B4GALT5: variants seen among roughly 807,000 people sequenced by gnomAD.
The protein encoded by B4GALT5 is beta-1,4-galactosyltransferase 5.
In B4GALT5, 11 loss-of-function variants were observed where a neutral mutation model predicts 45.0. The observed-to-expected ratio is 0.24, with a 90% CI of 0.15 to 0.40. The LOEUF is 0.40. Ranked by LOEUF, B4GALT5 falls within the 10% of genes least tolerant of loss-of-function variation. The pLI is 1.00. For synonymous variants in B4GALT5, 185 were observed against 182.9 expected (o/e 1.01, Z -0.09); for missense variants, 337 against 500.2 (o/e 0.67, Z 3.11).
intron 3 of B4GALT5, among the ~76,000 whole-genome samples, chr20:49,646,693 C>A (rs952789037): frequency 6.6e-6 from 1 of 152,112 alleles, no homozygotes; most frequent in Non-Finnish European, 1.5e-5. Flanking sequence ...TTCATACTTT[C>A]TCTAGGAAGT....
intron 1 of B4GALT5, among the ~76,000 whole-genome samples, chr20:49,665,952 A>C (rs1044489538): frequency 2.0e-5 from 3 of 152,012 alleles, no homozygotes; most frequent in Non-Finnish European, 2.9e-5. Flanking sequence ...GGCTAGAAAA[A>C]TGGGGGGAGC....
chr20:49,706,025 CA>C (rs55753502), intron 1 of B4GALT5, among the ~76,000 whole-genome samples: 2,802 of 106,124 alleles, frequency 0.026, 52 homozygotes, highest in African/African-American at 0.069. Flanking sequence ...ACTAAAAATA[CA>C]AAAAAAAAAA....
chr20:49,709,215 T>C (rs1040221687), intron 1 of B4GALT5, among the ~76,000 whole-genome samples: 1 of 152,110 alleles, frequency 6.6e-6, no homozygotes, highest in African/African-American at 2.4e-5. Context: ...AGGTCATAAA[T>C]AAGTTCAAAA....
intron 1 of B4GALT5, among the ~76,000 whole-genome samples, chr20:49,682,395 T>A (rs959004502): frequency 6.6e-6 from 1 of 152,116 alleles, no homozygotes; most frequent in Non-Finnish European, 1.5e-5. Flanking sequence ...CTTAAATGAT[T>A]TCCCTTATCC....
chr20:49,670,173 A>T (rs1176350810), intron 1 of B4GALT5, among the ~76,000 whole-genome samples: 1 of 152,232 alleles, frequency 6.6e-6, no homozygotes, highest in Non-Finnish European at 1.5e-5. Context: ...GGAATCTTAC[A>T]CATCTTTAAA....
intron 1 of B4GALT5, among the ~76,000 whole-genome samples, chr20:49,710,177 A>G (rs1265813665): frequency 6.6e-6 from 1 of 152,192 alleles, no homozygotes; most frequent in Non-Finnish European, 1.5e-5. Context: ...CCTTGAGCAC[A>G]ATGTAGCCAC....
rs374782615 is a variant in B4GALT5 at position 49,643,465 on chromosome 20, C to T, written c.489+61G>A. On this transcript the variant is annotated intron_variant, in intron 4 of 8. Transcript: ENST00000371711. ...ATGGTTAGCTAATCCCATGGTGATT[C>T]GGACCAAAGGCAAACCCCAGGTGGG... 9 of 1,594,822 alleles carry T rather than the reference C, an allele frequency of 5.6e-6. No individual in the cohort carries two copies. The East Asian group carries it at 6.7e-5, about 12-fold the overall frequency.
At chr20:49,683,495 G>C (rs1009604764) in intron 1 of B4GALT5, among the ~76,000 whole-genome samples, 1 of 148,612 alleles carries the variant, frequency 6.7e-6, no homozygotes, top group Non-Finnish European at 1.5e-5. Flanking sequence ...CTGGGTTCAA[G>C]CGATTCTCAT....
chr20:49,700,077 T>C (rs918983305), intron 1 of B4GALT5, among the ~76,000 whole-genome samples: 5 of 152,156 alleles, frequency 3.3e-5, no homozygotes, highest in African/African-American at 1.2e-4. Flanking sequence ...GCCTCCTATC[T>C]ACCACGCCTT....
chr20:49,694,115 G>T (rs1421783523), intron 1 of B4GALT5, among the ~76,000 whole-genome samples: 3 of 152,128 alleles, frequency 2.0e-5, no homozygotes, highest in Non-Finnish European at 4.4e-5. Flanking sequence ...TTATGTAAAC[G>T]TACTTTTTAT....
Position 49,643,569 on chromosome 20 carries a change from A to G in B4GALT5, c.446T>C (p.Leu149Pro), listed in dbSNP as rs1391531295. The change falls in exon 4 of 9, where the codon CTC (leucine) becomes CCC (proline). Residue 149 changes from leucine to proline, a missense_variant. By Grantham distance (98) the Leu-to-Pro change is moderately conservative (BLOSUM62 -3). Coordinates refer to ENST00000371711, the MANE Select transcript of B4GALT5 (RefSeq NM_004776.4). The part of the protein sequence containing the change: ...ELFSKDPTIK[L>P]GGHWKPSDCM... ...ATCAGAAGGCTTCCAGTGACCTCCGAGCTTGATGGTTGGGTCTTTGGAGAA... is the reference window on the plus strand; with the variant it reads ...ATCAGAAGGCTTCCAGTGACCTCCGGGCTTGATGGTTGGGTCTTTGGAGAA... 6.2e-7 allele frequency: 1 copy of G among 1,613,908 alleles called. No individual in the cohort carries two copies. Among genetic ancestry groups the G allele is most frequent in the Admixed American group, 1.7e-5 (1 of 59,984 alleles).
intron 3 of B4GALT5, among the ~76,000 whole-genome samples, chr20:49,645,891 T>G (rs2085597031): frequency 1.3e-5 from 2 of 152,270 alleles, no homozygotes; most frequent in South Asian, 4.1e-4. Context: ...GGTCTTGCTT[T>G]GTTGCCCAGG....
intron 1 of B4GALT5, among the ~76,000 whole-genome samples, chr20:49,665,662 T>C: frequency 6.7e-6 from 1 of 149,844 alleles, no homozygotes; most frequent in African/African-American, 2.5e-5. Context: ...GAGATACAAG[T>C]AAGACACAGT....
intron 4 of B4GALT5, 43 bp from the exon 5 acceptor site, chr20:49,642,627 G>T: frequency 1.4e-6 from 2 of 1,397,114 alleles, no homozygotes; most frequent in Non-Finnish European, 2.0e-6. Flanking sequence ...AGGACTCTCA[G>T]CTTTCACTCC....
intron 3 of B4GALT5, among the ~76,000 whole-genome samples, chr20:49,646,578 T>C (rs542953113): frequency 6.6e-6 from 1 of 152,268 alleles, no homozygotes; most frequent in Admixed American, 6.5e-5. Flanking sequence ...GGCTACACCA[T>C]CTAGATTTGT....
intron 4 of B4GALT5, 96 bp from the exon 5 acceptor site, chr20:49,642,680 G>T: frequency 2.6e-6 from 2 of 778,656 alleles, no homozygotes; most frequent in Admixed American, 2.4e-5. Flanking sequence ...ACCCATGGGA[G>T]TTCTGGGAGG....
chr20:49,698,216 G>A (rs1397270031), intron 1 of B4GALT5, among the ~76,000 whole-genome samples: 6 of 152,024 alleles, frequency 3.9e-5, no homozygotes, highest in African/African-American at 1.4e-4. Context: ...CCAGATACTC[G>A]GGAGGCTGAG....
At chr20:49,699,256 T>C (rs1163077620) in intron 1 of B4GALT5, among the ~76,000 whole-genome samples, 1 of 151,208 alleles carries the variant, frequency 6.6e-6, no homozygotes, top group African/African-American at 2.4e-5. Flanking sequence ...AGACAAACCA[T>C]TAATACATTC....
chr20:49,664,421 T>TACACACAC (rs55990435), intron 1 of B4GALT5, among the ~76,000 whole-genome samples: 2,140 of 128,868 alleles, frequency 0.017, 41 homozygotes, highest in South Asian at 0.033. Flanking sequence ...GGTCTCCAAA[T>TACACACAC]ACACACACAC....
Sources: allele counts gnomAD v4.1 joint callset (sites outside exome capture counted in the v4.1 genomes callset), GRCh38; gene constraint gnomAD v4.1.1; transcripts MANE v1.5; gene names NCBI Gene and HGNC (gene_info 2026-07-23, HGNC 2026-07-21).